The following FRS2 variants were observed in gnomAD, a reference collection of about 807,000 sequenced individuals.
FRS2 encodes the protein FGFR signalling adaptor.
In FRS2, 8 loss-of-function variants were observed where a neutral mutation model predicts 43.9. The observed-to-expected ratio is 0.18, with a 90% confidence interval of 0.11 to 0.33. The LOEUF (loss-of-function observed/expected upper bound fraction) is 0.33. FRS2 is among the 10% of genes least tolerant of loss of function. The probability of loss-of-function intolerance (pLI) is 1.00; values close to 1 mark genes in which losing one functional copy is unlikely to be tolerated. For missense variants in FRS2, 534 were observed against 627.6 expected, an observed-to-expected ratio of 0.85 and a Z score of 1.59; for synonymous variants, 219 against 220.3, an observed-to-expected ratio of 0.99 and a Z score of 0.05.
intron 1 of FRS2, among the ~76,000 whole-genome samples, chr12:69,472,522 G>A (rs1870403853): frequency 6.6e-6 from 1 of 152,180 alleles, no homozygotes; most frequent in Non-Finnish European, 1.5e-5. Flanking sequence ...GTTAGATGTA[G>A]TTACAGATTT....
chr12:69,535,948 C>G (rs1277062306), intron 3 of FRS2, among the ~76,000 whole-genome samples: 1 of 151,304 alleles, frequency 6.6e-6, no homozygotes, highest in Non-Finnish European at 1.5e-5. Flanking sequence ...ATTGTTTTAT[C>G]TGTTTGTTGA....
intron 1 of FRS2, among the ~76,000 whole-genome samples, chr12:69,510,095 C>A (rs1439850339): frequency 6.6e-6 from 1 of 152,180 alleles, no homozygotes; most frequent in East Asian, 1.9e-4. Context: ...CTCTTTCTCT[C>A]CCTAGCATAC....
At chr12:69,516,094 A>G (rs1035968246) in intron 1 of FRS2, among the ~76,000 whole-genome samples, 1 of 152,040 alleles carries the variant, frequency 6.6e-6, no homozygotes, top group African/African-American at 2.4e-5. Flanking sequence ...TCTGTCCTAC[A>G]GATTTTTCTA....
chr12:69,474,250 A>G (rs1870566478), intron 1 of FRS2, among the ~76,000 whole-genome samples: 3 of 152,180 alleles, frequency 2.0e-5, no homozygotes, highest in South Asian at 4.1e-4. Flanking sequence ...ACTTTTTTGT[A>G]TACTTGCCAA....
chr12:69,538,197 TTATATATATATATA>T (rs151295024), intron 3 of FRS2, among the ~76,000 whole-genome samples: 6 of 81,638 alleles, frequency 7.3e-5, no homozygotes, highest in Admixed American at 2.4e-4. Flanking sequence ...AAAACAAATT[TTATATATATATATA>T]TATATATATA....
rs1013221115 is a variant in FRS2, at chr12:69,574,551, A to G, written c.1123A>G (p.Lys375Glu). Residue 375 changes from lysine to glutamate, a missense_variant, in exon 9 of 9, where the codon AAG (lysine) becomes GAG (glutamate). Lys to Glu is a moderately conservative substitution (Grantham distance 56). Transcript: ENST00000549921. ...GGATGAAGATGACAATTTAGGACCA[A>G]AGACCCCATCTCTAAATGGCTACCA... ...SRDEDDNLGPKTPSLNGYHNN... is the reference protein window; with the variant it reads ...SRDEDDNLGPETPSLNGYHNN... 1 of 1,614,056 alleles carries G rather than the reference A, an allele frequency of 6.2e-7. No homozygotes were observed. The highest frequency in any genetic ancestry group is 8.5e-7 in the Non-Finnish European group (1 of 1,180,030).
intron 3 of FRS2, 134 bp downstream of exon 3, chr12:69,532,190 G>A (rs1442755561): frequency 6.6e-6 from 1 of 152,024 alleles, no homozygotes; most frequent in Non-Finnish European, 1.5e-5. Context: ...TAATTTATTA[G>A]CCACTGTTTT....
chr12:69,505,414 G>A (rs1873837367), intron 1 of FRS2, among the ~76,000 whole-genome samples: 1 of 152,160 alleles, frequency 6.6e-6, no homozygotes, highest in South Asian at 2.1e-4. Flanking sequence ...AATCTGTTTA[G>A]CAATAGGGTA....
intron 1 of FRS2, among the ~76,000 whole-genome samples, chr12:69,506,379 A>G (rs1402084495): frequency 6.6e-6 from 1 of 152,078 alleles, no homozygotes; most frequent in African/African-American, 2.4e-5. Context: ...ATAAGCTATA[A>G]TTACTTTTAG....
chr12:69,519,754 A>G (rs1332887832), intron 1 of FRS2, among the ~76,000 whole-genome samples: 2 of 152,080 alleles, frequency 1.3e-5, no homozygotes, highest in African/African-American at 4.8e-5. Context: ...CTTTTTTATG[A>G]CAGTTTAGTA....
intron 1 of FRS2, among the ~76,000 whole-genome samples, chr12:69,489,579 A>G (rs141750657): frequency 0.035 from 5,265 of 151,704 alleles, 304 homozygotes; most frequent in African/African-American, 0.12. Context: ...CTGAGGCAGG[A>G]GAATCGCTTG....
chr12:69,506,584 A>C (rs1276365024), intron 1 of FRS2, among the ~76,000 whole-genome samples: 1 of 152,018 alleles, frequency 6.6e-6, no homozygotes, highest in Non-Finnish European at 1.5e-5. Flanking sequence ...TATCTTTTCA[A>C]ATGCTTTTAT....
Position 69,478,724 on chromosome 12 carries a change from A to ATGTG in FRS2, c.-261+8230_-261+8233dup, listed in dbSNP as rs59945124. The stretch of plus-strand genomic sequence containing the variant: ...TATTCTTACAAAGACATACATCATT[A>ATGTG]TGTGTGTGTGTGTGTGTGTGTGTGT... On this transcript the variant is annotated intron_variant, in intron 1 of 8. Transcript: ENST00000549921. 7.5e-3 allele frequency among the ~76,000 whole-genome samples: 1,098 copies of ATGTG among 146,312 alleles called. 8 individuals are homozygous for ATGTG. Among genetic ancestry groups the ATGTG allele is most frequent in the African/African-American group, 0.012 (461 of 39,394 alleles).
At chr12:69,509,736 A>G (rs1286709568) in intron 1 of FRS2, among the ~76,000 whole-genome samples, 1 of 152,090 alleles carries the variant, frequency 6.6e-6, no homozygotes, top group Non-Finnish European at 1.5e-5. Context: ...TCTAGCTTCC[A>G]AAATGATGTT....
intron 1 of FRS2, among the ~76,000 whole-genome samples, chr12:69,518,402 AT>A (rs34206585): frequency 0.62 from 93,172 of 150,454 alleles, 29,161 homozygotes; most frequent in East Asian, 0.73. Context: ...ATAAAGGCAG[AT>A]TTTTTTTTTT....
Position 69,566,889 on chromosome 12 carries a change from C to G in FRS2, c.-26-2116C>G, listed in dbSNP as rs73323722. 1.0e-2 allele frequency among the ~76,000 whole-genome samples: 1,522 copies of G among 152,248 alleles called. 21 individuals carry two copies. The highest frequency in any genetic ancestry group is 0.035 in the African/African-American group (1,463 of 41,522). ...GTTCAGGCTGCTTTATGGTTGGGCC[C>G]CATTTGTCTTCCAGTCTACCCTGTA... On this transcript the variant is annotated intron_variant, in intron 4 of 8. Coordinates refer to ENST00000549921, the MANE Select transcript of FRS2 (RefSeq NM_001278356.2).
At chr12:69,573,495 T>G (rs1376665597) in intron 8 of FRS2, among the ~76,000 whole-genome samples, 1 of 150,790 alleles carries the variant, frequency 6.6e-6, no homozygotes, top group Non-Finnish European at 1.5e-5. Context: ...GGAGCCTCAC[T>G]CTGTTGCCCA....
At chr12:69,557,756 CAATTT>C (rs1419377477) in intron 3 of FRS2, 3 of 152,026 alleles carry the variant, frequency 2.0e-5, no homozygotes, top group Admixed American at 1.3e-4. Context: ...ATGGGCGCTC[CAATTT>C]AATTGTCTAA....
At chr12:69,492,062 G>A (rs1202077818) in intron 1 of FRS2, among the ~76,000 whole-genome samples, 1 of 152,092 alleles carries the variant, frequency 6.6e-6, no homozygotes, top group East Asian at 1.9e-4. Flanking sequence ...TATTAATTAT[G>A]TGGTTGCAAG....
Sources: allele counts gnomAD v4.1 joint callset (sites outside exome capture counted in the v4.1 genomes callset), GRCh38; gene constraint gnomAD v4.1.1; transcripts MANE v1.5; gene names NCBI Gene and HGNC (gene_info 2026-07-23, HGNC 2026-07-21).